The following AP1S3 variants were observed in gnomAD, a reference collection of about 807,000 sequenced individuals.
AP1S3 encodes the protein adaptor related protein complex 1 subunit sigma 3.
Under a neutral mutation model 20.9 loss-of-function variants are expected in AP1S3, and 10 were observed. The ratio of observed to expected loss-of-function variants is 0.48; its 90% CI spans 0.29 to 0.81. The LOEUF (loss-of-function observed/expected upper bound fraction) is 0.81. AP1S3 is among the 30% of genes least tolerant of loss of function. AP1S3 has a pLI of 0.08. For missense variants in AP1S3, 154 were observed against 183.8 expected, an observed-to-expected ratio of 0.84 and a Z score of 0.94; for synonymous variants, 41 against 61.5, an observed-to-expected ratio of 0.67 and a Z score of 1.56.
intron 1 of AP1S3, among the ~76,000 whole-genome samples, chr2:223,834,656 C>G (rs769754160): frequency 2.7e-4 from 30 of 109,724 alleles, no homozygotes; most frequent in Non-Finnish European, 4.8e-4. Context: ...ACTCAAGAAG[C>G]TGAGGTAGGA....
intron 1 of AP1S3, among the ~76,000 whole-genome samples, chr2:223,803,578 A>G (rs1414284854): frequency 6.6e-6 from 1 of 152,172 alleles, no homozygotes; most frequent in Non-Finnish European, 1.5e-5. Context: ...TTAGAAAATA[A>G]TGTAGGAAAT....
At chr2:223,780,216 T>A (rs1690887513) in intron 1 of AP1S3, among the ~76,000 whole-genome samples, 1 of 143,794 alleles carries the variant, frequency 7.0e-6, no homozygotes, top group African/African-American at 2.6e-5. Flanking sequence ...ACTTAGGCGA[T>A]CCTCCCACCT....
chr2:223,808,169 G>A (rs1410590539), intron 1 of AP1S3, among the ~76,000 whole-genome samples: 5 of 152,142 alleles, frequency 3.3e-5, no homozygotes, highest in Non-Finnish European at 7.3e-5. Flanking sequence ...GCTGGTATAA[G>A]TTCTTCCTAA....
chr2:223,773,263 C>T (rs1043595248), intron 3 of AP1S3: 3 of 1,293,684 alleles, frequency 2.3e-6, no homozygotes, highest in South Asian at 1.3e-5. Context: ...ACAGGTCAAG[C>T]CGGAGTTCAG....
chr2:223,823,213 A>T (rs181741812), intron 1 of AP1S3, among the ~76,000 whole-genome samples: 1 of 152,204 alleles, frequency 6.6e-6, no homozygotes, highest in South Asian at 2.1e-4. Context: ...TAGAACTCAC[A>T]TATGATCCAG....
At chr2:223,805,563 T>A (rs1242301212) in intron 1 of AP1S3, among the ~76,000 whole-genome samples, 1 of 152,240 alleles carries the variant, frequency 6.6e-6, no homozygotes, top group African/African-American at 2.4e-5. Flanking sequence ...CCTCAAAATT[T>A]ATTCTGCTAA....
At chr2:223,795,005 C>T (rs1691301420) in intron 1 of AP1S3, among the ~76,000 whole-genome samples, 1 of 152,136 alleles carries the variant, frequency 6.6e-6, no homozygotes. Flanking sequence ...GCCCATAATC[C>T]CAACACTTCC....
intron 1 of AP1S3, among the ~76,000 whole-genome samples, chr2:223,786,110 T>C (rs1387190862): frequency 1.2e-4 from 19 of 152,160 alleles, no homozygotes; most frequent in Admixed American, 1.2e-3. Flanking sequence ...GTTGTGAACT[T>C]AACACTGCTC....
In AP1S3 at chr2:223,758,007, A is replaced by G. The variant is rs1379904255; in HGVS notation, c.*708T>C. The G allele has an allele frequency of 1.0e-6, 1 of 971,804 alleles. No individual in the cohort carries two copies. 60.2% of individuals were successfully genotyped at this position (971,804 alleles called of 1,614,324 possible). On this transcript the variant is annotated 3_prime_UTR_variant, in exon 5 of 5. Transcript: ENST00000396654. ...ATAAACCTTAATAAATATATAGTTC[A>G]TAGAAAACCTTATTGGAATGTCCCT...
At chr2:223,836,957 C>T (rs1379982277) in intron 1 of AP1S3, among the ~76,000 whole-genome samples, 1 of 152,134 alleles carries the variant, frequency 6.6e-6, no homozygotes, top group East Asian at 1.9e-4. Context: ...GCTAGAATGT[C>T]ATGTCCTTGA....
At chr2:223,828,295 C>CTTTTTTTTTTTT (rs775000674) in intron 1 of AP1S3, among the ~76,000 whole-genome samples, 1 of 131,386 alleles carries the variant, frequency 7.6e-6, no homozygotes, top group Non-Finnish European at 1.6e-5. Context: ...TCCTCTCTCT[C>CTTTTTTTTTTTT]TTTTTTTTTT....
Position 223,756,023 on chromosome 2 carries a change from T to C in AP1S3, c.*2692A>G, listed in dbSNP as rs546066409. On this transcript the variant is annotated 3_prime_UTR_variant, in exon 5 of 5. Coordinates refer to ENST00000396654, the MANE Select transcript of AP1S3 (RefSeq NM_001039569.2). The stretch of plus-strand genomic sequence containing the variant: ...CTATGATGGATTTACATGAGGTCCA[T>C]CTTTACAAAATTGTATTGAAAAATA... 2.0e-6 allele frequency: 2 copies of C among 985,468 alleles called. No individual in the cohort carries two copies. Among genetic ancestry groups the C allele is most frequent in the South Asian group, 9.4e-5 (2 of 21,292 alleles). 61.0% of individuals were successfully genotyped at this position (985,468 alleles called of 1,614,324 possible).
chr2:223,826,321 G>A (rs1360022142), intron 1 of AP1S3, among the ~76,000 whole-genome samples: 1 of 152,024 alleles, frequency 6.6e-6, no homozygotes, highest in Non-Finnish European at 1.5e-5. Flanking sequence ...CGGCAGGTAT[G>A]GTGGCTTATG....
chr2:223,803,773 G>A (rs1459414799), intron 1 of AP1S3, among the ~76,000 whole-genome samples: 2 of 151,874 alleles, frequency 1.3e-5, no homozygotes, highest in Non-Finnish European at 2.9e-5. Flanking sequence ...CCAGCTACTC[G>A]GGAGGCTGAG....
At position 223,756,483 on chromosome 2, in the gene AP1S3, AAAAAAAG is replaced by A; in HGVS notation, c.*2225_*2231del. ...AAAGAAAGAAAAGAAAGAAAGAAAGAAAAAAAGAAAGAAAAAATTCTAACACATTAAA... is the reference window on the plus strand; with the variant it reads ...AAAGAAAGAAAAGAAAGAAAGAAAGAAAAGAAAAAATTCTAACACATTAAA... On this transcript the variant is annotated 3_prime_UTR_variant, in exon 5 of 5. Transcript: ENST00000396654. 1.1e-6 allele frequency: 1 copy of A among 945,002 alleles called. No individual in the cohort carries two copies. Among genetic ancestry groups the A allele is most frequent in the Non-Finnish European group, 1.2e-6 (1 of 800,926 alleles). 58.5% of individuals were successfully genotyped at this position (945,002 alleles called of 1,614,324 possible). A position where few individuals can be genotyped will look rare whatever the true frequency, so the allele number is the denominator to read the frequency against.
chr2:223,814,325 C>T (rs1691797159), intron 1 of AP1S3, among the ~76,000 whole-genome samples: 5 of 152,146 alleles, frequency 3.3e-5, no homozygotes, highest in Non-Finnish European at 7.3e-5. Context: ...AACAATGGGA[C>T]GTGGCTGTTC....
chr2:223,811,632 T>C (rs1479837381), intron 1 of AP1S3, among the ~76,000 whole-genome samples: 2 of 152,002 alleles, frequency 1.3e-5, no homozygotes, highest in Admixed American at 1.3e-4. Context: ...CATCAGGTTG[T>C]TTTGGGCCCC....
At chr2:223,805,141 G>A (rs1378687640) in intron 1 of AP1S3, among the ~76,000 whole-genome samples, 1 of 152,164 alleles carries the variant, frequency 6.6e-6, no homozygotes, top group Non-Finnish European at 1.5e-5. Context: ...GACCACTGCA[G>A]CTTTAGCATG....
chr2:223,783,803 G>A (rs373090340), intron 1 of AP1S3, among the ~76,000 whole-genome samples: 1 of 152,144 alleles, frequency 6.6e-6, no homozygotes, highest in Non-Finnish European at 1.5e-5. Context: ...GGACTAGCTC[G>A]TATCTCAGGA....
Sources: gnomAD v4.1 joint callset for allele counts (sites outside exome capture counted in the v4.1 genomes callset) on GRCh38, gnomAD v4.1.1 for gene constraint, MANE v1.5 for transcripts, NCBI Gene and HGNC (gene_info 2026-07-23, HGNC 2026-07-21) for gene names.